Variants in ACKR3 observed in about 807,000 individuals in gnomAD.
The protein encoded by ACKR3 is atypical chemokine receptor 3, also known as C-X-C chemokine receptor type 7.
A neutral mutation model predicts 22.4 loss-of-function variants in ACKR3; 6 were observed. The observed-to-expected ratio is 0.27, with a 90% CI of 0.15 to 0.53. The LOEUF is 0.53. ACKR3 is among the 20% of genes least tolerant of loss of function. The probability of loss-of-function intolerance (pLI) is 0.96; values close to 1 mark genes in which losing one functional copy is unlikely to be tolerated. For missense variants in ACKR3, 396 were observed against 475.2 expected (o/e 0.83, Z 1.55); for synonymous variants, 209 against 205.2 (o/e 1.02, Z -0.16).
the ACKR3 span, among the ~76,000 whole-genome samples, chr2:236,557,732 A>C: frequency 1.3e-5 from 2 of 152,226 alleles, no homozygotes; most frequent in Non-Finnish European, 2.9e-5. Context: ...GACATAGAGA[A>C]AAGGGAGTGG....
At chr2:236,554,058 T>A in the ACKR3 span, among the ~76,000 whole-genome samples, 1 of 152,170 alleles carries the variant, frequency 6.6e-6, no homozygotes, top group South Asian at 2.1e-4. Flanking sequence ...CAGGGCTGTG[T>A]CCTGGGTGGA....
chr2:236,566,920 C>T (rs961978174), upstream of ACKR3, among the ~76,000 whole-genome samples: 1 of 146,070 alleles, frequency 6.8e-6, no homozygotes, highest in African/African-American at 2.5e-5. Context: ...CTTTCTTTCC[C>T]CAAGGAGGAT....
At chr2:236,565,894 G>A (rs138020130), upstream of ACKR3, among the ~76,000 whole-genome samples, 519 of 152,256 alleles carry the variant, frequency 3.4e-3, 5 homozygotes, top group African/African-American at 0.012. Context: ...CCAGTCCCAG[G>A]TGAAATGACT....
At chr2:236,553,491 T>C in the ACKR3 span, among the ~76,000 whole-genome samples, 1 of 152,246 alleles carries the variant, frequency 6.6e-6, no homozygotes, top group Non-Finnish European at 1.5e-5. Flanking sequence ...TCACCAAGGT[T>C]CCCAGCATAG....
chr2:236,576,869 C>T (rs75562519), intron 1 of ACKR3, among the ~76,000 whole-genome samples: 5,127 of 152,344 alleles, frequency 0.034, 97 homozygotes, highest in South Asian at 0.066. Context: ...TATAGTATGA[C>T]ATTTTTGTTT....
At chr2:236,543,476 G>C in the ACKR3 span, among the ~76,000 whole-genome samples, 1 of 152,194 alleles carries the variant, frequency 6.6e-6, no homozygotes, top group Non-Finnish European at 1.5e-5. Context: ...CCCACACTGA[G>C]AGTATAGAAA....
chr2:236,559,294 G>T, the ACKR3 span, among the ~76,000 whole-genome samples: 1 of 152,132 alleles, frequency 6.6e-6, no homozygotes, highest in Non-Finnish European at 1.5e-5. Flanking sequence ...TTCAAATATA[G>T]GTAACAGCAA....
At chr2:236,560,715 GC>G in the ACKR3 span, among the ~76,000 whole-genome samples, 1 of 152,074 alleles carries the variant, frequency 6.6e-6, no homozygotes, top group Non-Finnish European at 1.5e-5. Context: ...GTCTTTCGCT[GC>G]CCGTGCTTCT....
the ACKR3 span, among the ~76,000 whole-genome samples, chr2:236,545,856 T>C: frequency 1.3e-5 from 2 of 152,228 alleles, no homozygotes; most frequent in African/African-American, 4.8e-5. The surrounding 1 kb of genome is among the most constrained non-coding windows in gnomAD (Gnocchi z 5.3). Context: ...CCTGGTTTAG[T>C]GTATCATTGT....
upstream of ACKR3, among the ~76,000 whole-genome samples, chr2:236,565,335 A>G (rs1001125117): frequency 2.0e-5 from 3 of 152,240 alleles, no homozygotes; most frequent in Non-Finnish European, 4.4e-5. Context: ...TAAGTTCAAC[A>G]CTTTAAAAAC....
the ACKR3 span, among the ~76,000 whole-genome samples, chr2:236,556,860 G>A: frequency 6.6e-6 from 1 of 152,124 alleles, no homozygotes; most frequent in Non-Finnish European, 1.5e-5. Flanking sequence ...GCTAATTTTT[G>A]TATTTTTAGT....
chr2:236,581,615 T>C lies in ACKR3; in HGVS notation c.*61T>C, dbSNP rs1406903762. On this transcript the variant is annotated 3_prime_UTR_variant, in exon 2 of 2. Coordinates refer to ENST00000272928, the MANE Select transcript of ACKR3 (RefSeq NM_020311.3). The surrounding 1 kb of genome is among the most constrained non-coding windows in gnomAD (Gnocchi z 4.4). ...TTTTTGAACAGGGTGATGGGCCCTA[T>C]GGTTTTCTAGAGCAAAGCAAAGTAG... 1.4e-5 allele frequency: 22 copies of C among 1,549,838 alleles called. No homozygotes were observed. The highest frequency in any genetic ancestry group is 1.9e-5 in the Non-Finnish European group (22 of 1,148,462).
At position 236,581,738 on chromosome 2, in the gene ACKR3, G is replaced by A. The variant is rs998140266; in HGVS notation, c.*184G>A. Reference sequence around the variant, plus strand: ...GATGACGCAGCTGTCATTTGGCTGTGCGTGCTGACAGTTTTGCAACAGGCA... The same window carrying A: ...GATGACGCAGCTGTCATTTGGCTGTACGTGCTGACAGTTTTGCAACAGGCA... On this transcript the variant is annotated 3_prime_UTR_variant, in exon 2 of 2. Coordinates refer to ENST00000272928, the MANE Select transcript of ACKR3 (RefSeq NM_020311.3). The surrounding 1 kb of genome is among the most constrained non-coding windows in gnomAD (Gnocchi z 4.4). The A allele has an allele frequency of 1.3e-6, 1 of 781,350 alleles. No individual in the cohort carries two copies. The highest frequency in any genetic ancestry group is 2.0e-6 in the Non-Finnish European group (1 of 503,320). 48.4% of individuals were successfully genotyped at this position (781,350 alleles called of 1,614,324 possible).
Position 236,581,580 on chromosome 2 carries a change from G to A in ACKR3, c.*26G>A. ...TCTGCCCTGGAGAGGCTCTGGGACG[G>A]GTTTACTTGTTTTTGAACAGGGTGA... is the stretch of plus-strand genomic sequence containing the variant. On this transcript the variant is annotated 3_prime_UTR_variant, in exon 2 of 2. Coordinates refer to ENST00000272928, the MANE Select transcript of ACKR3 (RefSeq NM_020311.3). This position sits in a 1 kb window ranked among gnomAD's most constrained non-coding sequence, Gnocchi z 4.4. 6.3e-7 allele frequency: 1 copy of A among 1,595,472 alleles called. No individual in the cohort carries two copies. Among genetic ancestry groups the A allele is most frequent in the Non-Finnish European group, 8.6e-7 (1 of 1,168,660 alleles).
intron 1 of ACKR3, among the ~76,000 whole-genome samples, chr2:236,573,708 G>C (rs1457142063): frequency 2.0e-5 from 3 of 152,186 alleles, no homozygotes; most frequent in African/African-American, 4.8e-5. Flanking sequence ...TAGCAGCCTG[G>C]TCTGCACCCA....
At chr2:236,547,946 A>G in the ACKR3 span, among the ~76,000 whole-genome samples, 3 of 151,570 alleles carry the variant, frequency 2.0e-5, no homozygotes, top group South Asian at 6.2e-4. Flanking sequence ...ATCAATTTGG[A>G]AAACTCAGAG....
At chr2:236,539,803 A>G in the ACKR3 span, among the ~76,000 whole-genome samples, 3 of 152,236 alleles carry the variant, frequency 2.0e-5, no homozygotes, top group Non-Finnish European at 1.5e-5. Context: ...ACAGTTCTAC[A>G]TGGCTGGAGA....
chr2:236,553,762 T>C, the ACKR3 span, among the ~76,000 whole-genome samples: 2 of 152,354 alleles, frequency 1.3e-5, no homozygotes. Context: ...GCTGGGCTTG[T>C]GGAGTGAGGC....
At chr2:236,551,570 AT>A in the ACKR3 span, among the ~76,000 whole-genome samples, 2 of 152,086 alleles carry the variant, frequency 1.3e-5, no homozygotes, top group Non-Finnish European at 2.9e-5. Flanking sequence ...ACACCAGCTG[AT>A]TTGCAGCCTA....
Sources: gnomAD v4.1 joint callset for allele counts (sites outside exome capture counted in the v4.1 genomes callset) on GRCh38, gnomAD v4.1.1 for gene constraint, Gnocchi (gnomAD v3.1) non-coding constraint, MANE v1.5 for transcripts, NCBI Gene and HGNC (gene_info 2026-07-23, HGNC 2026-07-21) for gene names.